The following UBE2E1 variants were observed in gnomAD, a reference collection of about 807,000 sequenced individuals.
UBE2E1 encodes the protein ubiquitin-conjugating enzyme E2 E1.
A neutral mutation model predicts 21.4 loss-of-function variants in UBE2E1; 6 were observed. The observed-to-expected ratio is 0.28, with a 90% CI of 0.15 to 0.55. The LOEUF (loss-of-function observed/expected upper bound fraction) is 0.55, where lower values mean the gene tolerates loss of function less well. Ranked by LOEUF, UBE2E1 falls within the 20% of genes least tolerant of loss-of-function variation. The pLI, the probability that UBE2E1 is intolerant of heterozygous loss-of-function variation, is 0.93. For missense variants in UBE2E1, 142 were observed against 236.5 expected (o/e 0.60, Z 2.62); for synonymous variants, 87 against 82.7 (o/e 1.05, Z -0.28).
intron 3 of UBE2E1, among the ~76,000 whole-genome samples, chr3:23,825,148 T>C (rs1204755349): frequency 6.6e-6 from 1 of 152,212 alleles, no homozygotes; most frequent in Non-Finnish European, 1.5e-5. Context: ...AGTTAAATCT[T>C]ACTCCTAGTT....
rs2125308696 is a variant in UBE2E1, at chr3:23,853,235, T to C, written c.204-34332T>C. On this transcript the variant is annotated intron_variant, in intron 3 of 5. Transcript: ENST00000306627. The surrounding 1 kb of genome is among the most constrained non-coding windows in gnomAD (Gnocchi z 4.1). ...TGCTGTAATTCACCTGGCTACAACT[T>C]CCAGTAAAATATTGAATAGAAGTAG... is the stretch of plus-strand genomic sequence containing the variant. 6.6e-6 allele frequency among the ~76,000 whole-genome samples: 1 copy of C among 152,312 alleles called. No homozygotes were observed.
At chr3:23,886,782 AAGTG>A (rs1380711102) in intron 3 of UBE2E1, among the ~76,000 whole-genome samples, 1 of 152,266 alleles carries the variant, frequency 6.6e-6, no homozygotes, top group Non-Finnish European at 1.5e-5. Flanking sequence ...GGCATTCAGT[AAGTG>A]AGTGAATAAA....
At position 23,810,855 on chromosome 3, in the gene UBE2E1, C is replaced by T. The variant is rs1490814662; in HGVS notation, c.153-605C>T. ...GTGGCAGCCCACCGCTGGGGAGCGA[C>T]CTGCGGTCTGGGCCTCCCGGGCACC... On this transcript the variant is annotated intron_variant, in intron 2 of 5. Coordinates refer to ENST00000306627, the MANE Select transcript of UBE2E1 (RefSeq NM_003341.5). The surrounding 1 kb of genome is among the most constrained non-coding windows in gnomAD (Gnocchi z 5.8). 1.2e-5 allele frequency: 2 copies of T among 168,432 alleles called. No individual in the cohort carries two copies. The highest frequency in any genetic ancestry group is 2.5e-5 in the Non-Finnish European group (2 of 79,246). The allele number at this position is 168,432 out of a possible 1,614,324, so 10.4% of individuals were successfully genotyped here.
intron 3 of UBE2E1, among the ~76,000 whole-genome samples, chr3:23,874,158 T>G (rs938162824): frequency 6.6e-6 from 1 of 152,242 alleles, no homozygotes; most frequent in Non-Finnish European, 1.5e-5. Context: ...ATGGGAGACC[T>G]TTAGCTAAAA....
At chr3:23,807,076 T>G (rs548490620) in intron 1 of UBE2E1, 161 bp from the exon 2 acceptor site, 2 of 525,162 alleles carry the variant, frequency 3.8e-6, no homozygotes, top group Non-Finnish European at 6.4e-6. Context: ...CGCGTCCGAT[T>G]TGCAAAAGCC....
At chr3:23,849,706 C>T (rs1357864610) in intron 3 of UBE2E1, among the ~76,000 whole-genome samples, 1 of 152,176 alleles carries the variant, frequency 6.6e-6, no homozygotes, top group Non-Finnish European at 1.5e-5. Context: ...TTTATGGCTG[C>T]ATAGTATTCC....
In UBE2E1 at chr3:23,853,636, T is replaced by G. The variant is rs571852016; in HGVS notation, c.204-33931T>G. Among the ~76,000 whole-genome samples the G allele has an allele frequency of 6.6e-6, 1 of 152,274 alleles. No homozygotes were observed. Among genetic ancestry groups the G allele is most frequent in the Admixed American group, 6.5e-5 (1 of 15,292 alleles). On this transcript the variant is annotated intron_variant, in intron 3 of 5. Coordinates refer to ENST00000306627, the MANE Select transcript of UBE2E1 (RefSeq NM_003341.5). The surrounding 1 kb of genome is among the most constrained non-coding windows in gnomAD (Gnocchi z 4.1). ...AGTCTTTAAATGCATATAGGAGAGT[T>G]GGAGGGGAGAGGAGACACTTGTCCC... is the stretch of plus-strand genomic sequence containing the variant.
intron 3 of UBE2E1, among the ~76,000 whole-genome samples, chr3:23,867,568 G>A (rs1319886625): frequency 6.6e-6 from 1 of 152,220 alleles, no homozygotes; most frequent in Non-Finnish European, 1.5e-5. Flanking sequence ...GGGAGAAAGA[G>A]CACCCTCTTT....
rs1485820775 is a variant in UBE2E1 at position 23,836,926 on chromosome 3, A to G, written c.203+25416A>G. ...GCTCTTGTTAAGTAGTTTATGGTCT[A>G]TCATGAAAAGATGGGCAATTTGGGA... On this transcript the variant is annotated intron_variant, in intron 3 of 5. Transcript: ENST00000306627. The surrounding 1 kb of genome is among the most constrained non-coding windows in gnomAD (Gnocchi z 4.1). Among the ~76,000 whole-genome samples, 1 of 152,202 alleles carries G rather than the reference A, an allele frequency of 6.6e-6. No homozygotes were observed. Among genetic ancestry groups the G allele is most frequent in the Non-Finnish European group, 1.5e-5 (1 of 68,026 alleles).
chr3:23,817,260 A>G (rs1463661802), intron 3 of UBE2E1, among the ~76,000 whole-genome samples: 1 of 152,040 alleles, frequency 6.6e-6, no homozygotes, highest in Non-Finnish European at 1.5e-5. Flanking sequence ...CTGGCCAACT[A>G]AAAATACAAA....
chr3:23,885,785 G>A (rs113638991), intron 3 of UBE2E1, among the ~76,000 whole-genome samples: 10 of 152,252 alleles, frequency 6.6e-5, no homozygotes, highest in Non-Finnish European at 7.4e-5. Context: ...GCTTGAACCC[G>A]GGAGGCGGAG....
chr3:23,838,805 T>C (rs1275830100), intron 3 of UBE2E1, among the ~76,000 whole-genome samples: 1 of 152,110 alleles, frequency 6.6e-6, no homozygotes, highest in Non-Finnish European at 1.5e-5. Flanking sequence ...AGGCCTGATA[T>C]AATTAGATTT....
At chr3:23,857,090 T>C (rs551304326) in intron 3 of UBE2E1, among the ~76,000 whole-genome samples, 1 of 151,738 alleles carries the variant, frequency 6.6e-6, no homozygotes, top group South Asian at 2.1e-4. Context: ...ACTAGTTTAC[T>C]GTGGAATGTT....
chr3:23,833,794 C>G (rs777322408), intron 3 of UBE2E1, among the ~76,000 whole-genome samples: 5 of 152,084 alleles, frequency 3.3e-5, no homozygotes, highest in Non-Finnish European at 5.9e-5. Context: ...GCTAGAAGTT[C>G]AAGACAAACC....
At chr3:23,878,943 A>C in intron 3 of UBE2E1, 1 of 388,060 alleles carries the variant, frequency 2.6e-6, no homozygotes, top group Non-Finnish European at 5.1e-6. Flanking sequence ...GTCTTCCACA[A>C]AAGCAGCCCC....
chr3:23,889,707 T>C, intron 5 of UBE2E1: 3 of 985,372 alleles, frequency 3.0e-6, no homozygotes, highest in Non-Finnish European at 2.4e-6. Flanking sequence ...TGTTAAATAC[T>C]TAGTGACTAT....
intron 3 of UBE2E1, among the ~76,000 whole-genome samples, chr3:23,854,546 GT>G (rs1294712816): frequency 2.6e-5 from 4 of 152,166 alleles, no homozygotes; most frequent in Non-Finnish European, 4.4e-5. Flanking sequence ...ATGTGGGCCA[GT>G]TTATCTTTTG....
At chr3:23,877,961 CT>C (rs1040325770) in intron 3 of UBE2E1, among the ~76,000 whole-genome samples, 9 of 152,308 alleles carry the variant, frequency 5.9e-5, no homozygotes, top group African/African-American at 2.2e-4. Flanking sequence ...TACGCTGGCA[CT>C]GTTGCTACCC....
At position 23,860,721 on chromosome 3, in the gene UBE2E1, C is replaced by T. The variant is rs117560408; in HGVS notation, c.204-26846C>T. Among the ~76,000 whole-genome samples the T allele has an allele frequency of 4.6e-3, 707 of 152,218 alleles. 17 individuals are homozygous for T. The South Asian group carries it at 0.05, about 11-fold the overall frequency. ...TTTATTTGCTATAAGCCATAAACATCAAAATGGTGTTTTTTAAAGAATATG... is the reference window on the plus strand; with the variant it reads ...TTTATTTGCTATAAGCCATAAACATTAAAATGGTGTTTTTTAAAGAATATG... On this transcript the variant is annotated intron_variant, in intron 3 of 5. Coordinates refer to ENST00000306627, the MANE Select transcript of UBE2E1 (RefSeq NM_003341.5).
Sources: gnomAD v4.1 joint callset for allele counts (sites outside exome capture counted in the v4.1 genomes callset) on GRCh38, gnomAD v4.1.1 for gene constraint, Gnocchi (gnomAD v3.1) non-coding constraint, MANE v1.5 for transcripts, NCBI Gene and HGNC (gene_info 2026-07-23, HGNC 2026-07-21) for gene names.